Variants in PSMD1 observed in about 807,000 individuals in gnomAD.
PSMD1 encodes the protein proteasome 26S subunit, non-ATPase 1.
In PSMD1, 18 loss-of-function variants were observed where a neutral mutation model predicts 119.0. The observed-to-expected ratio is 0.15, with a 90% CI of 0.10 to 0.22. The LOEUF is 0.22. Among genes scored for constraint, PSMD1 ranks in the 10% least tolerant of loss-of-function variants. The probability of loss-of-function intolerance (pLI) is 1.00; values close to 1 mark genes in which losing one functional copy is unlikely to be tolerated. For missense variants in PSMD1, 702 were observed against 1,158.5 expected (o/e 0.61, Z 5.72); for synonymous variants, 374 against 396.6 (o/e 0.94, Z 0.68).
intron 23 of PSMD1, among the ~76,000 whole-genome samples, chr2:231,169,184 G>A (rs920151155): frequency 2.0e-5 from 3 of 152,066 alleles, no homozygotes; most frequent in African/African-American, 7.2e-5. Context: ...TGTTGTTTTT[G>A]TATGATGAGG....
intron 16 of PSMD1, among the ~76,000 whole-genome samples, chr2:231,128,904 G>A (rs1298636026): frequency 6.6e-6 from 1 of 152,098 alleles, no homozygotes; most frequent in Admixed American, 6.5e-5. Context: ...TTTTTGCCAG[G>A]TTATTGCCAG....
At chr2:231,087,319 GA>G in intron 16 of PSMD1, 138 bp downstream of exon 16, 2 of 660,990 alleles carry the variant, frequency 3.0e-6, no homozygotes, top group Non-Finnish European at 5.2e-6. Flanking sequence ...TCAGAGTGAG[GA>G]CCATTTAATA....
At chr2:231,094,189 G>C (rs1379146137) in intron 16 of PSMD1, among the ~76,000 whole-genome samples, 1 of 152,168 alleles carries the variant, frequency 6.6e-6, no homozygotes, top group African/African-American at 2.4e-5. Context: ...GGAGGTGCCT[G>C]TGAGCTGGCA....
At chr2:231,061,689 A>G (rs1693764595) in intron 2 of PSMD1, among the ~76,000 whole-genome samples, 1 of 151,858 alleles carries the variant, frequency 6.6e-6, no homozygotes, top group Non-Finnish European at 1.5e-5. Context: ...TCAGCCTCCC[A>G]AGTAGCTAGG....
intron 5 of PSMD1, among the ~76,000 whole-genome samples, chr2:231,069,737 A>G (rs191361912): frequency 1.3e-4 from 20 of 152,330 alleles, no homozygotes; most frequent in African/African-American, 4.1e-4. Context: ...CTTTTATAAT[A>G]ATTAACAGCA....
intron 18 of PSMD1, 127 bp from the exon 19 acceptor site, chr2:231,153,437 A>G: frequency 1.4e-6 from 1 of 708,498 alleles, no homozygotes. Flanking sequence ...TCTGGTCCAT[A>G]TCCCTCTCTT....
At chr2:231,098,335 T>C (rs1228883489) in intron 16 of PSMD1, among the ~76,000 whole-genome samples, 2 of 152,178 alleles carry the variant, frequency 1.3e-5, no homozygotes, top group Non-Finnish European at 2.9e-5. Context: ...TCCTGGCTTT[T>C]AAAGGAATAG....
intron 1 of PSMD1, among the ~76,000 whole-genome samples, chr2:231,059,043 TATGTCTTGACTGAAGA>T (rs1693690497): frequency 1.3e-5 from 2 of 152,172 alleles, no homozygotes; most frequent in Admixed American, 1.3e-4. Flanking sequence ...AATTCAAAAG[TATGTCTTGACTGAAGA>T]GCTCAGTCAG....
At chr2:231,108,670 A>G (rs149277922) in intron 16 of PSMD1, 4 of 1,614,130 alleles carry the variant, frequency 2.5e-6, no homozygotes, top group Middle Eastern at 1.6e-4. Flanking sequence ...TTCGAATTCC[A>G]TGTTTCTTGA....
chr2:231,135,599 A>G (rs1359190653), intron 16 of PSMD1, among the ~76,000 whole-genome samples: 1 of 152,166 alleles, frequency 6.6e-6, no homozygotes, highest in Non-Finnish European at 1.5e-5. Flanking sequence ...ATTTTCAGTT[A>G]CTTGCTCATC....
chr2:231,162,368 T>C (rs1319964860), intron 20 of PSMD1, among the ~76,000 whole-genome samples: 2 of 152,260 alleles, frequency 1.3e-5, no homozygotes, highest in Non-Finnish European at 2.9e-5. Flanking sequence ...TTTCTTTGTA[T>C]TGATTTTTCA....
chr2:231,087,511 A>G (rs1391766853), intron 16 of PSMD1, among the ~76,000 whole-genome samples: 4 of 152,234 alleles, frequency 2.6e-5, no homozygotes, highest in African/African-American at 9.6e-5. Flanking sequence ...TCAAATGGAT[A>G]TTATCTCTTA....
chr2:231,080,401 T>C, intron 12 of PSMD1, 87 bp downstream of exon 12: 1 of 1,186,800 alleles, frequency 8.4e-7, no homozygotes, highest in Non-Finnish European at 1.1e-6. Flanking sequence ...ACTGGAGATT[T>C]TGTAGAATTT....
At chr2:231,144,709 C>T (rs1356737084) in intron 17 of PSMD1, among the ~76,000 whole-genome samples, 1 of 152,168 alleles carries the variant, frequency 6.6e-6, no homozygotes, top group Admixed American at 6.5e-5. Flanking sequence ...CCACCACGCC[C>T]ACCCAGCCTG....
intron 9 of PSMD1, among the ~76,000 whole-genome samples, chr2:231,077,604 T>A (rs994929697): frequency 2.0e-5 from 3 of 152,190 alleles, no homozygotes; most frequent in Non-Finnish European, 2.9e-5. Context: ...TGAACTATGA[T>A]CTCCTTGAGA....
chr2:231,079,520 T>G lies in PSMD1; in HGVS notation c.1161-16T>G, dbSNP rs1181968884. The stretch of plus-strand genomic sequence containing the variant: ...TTGTTTTAACACTAATTAAAATACA[T>G]CATCTTTTTTTACAGAGATAATTTG... On this transcript the variant is annotated splice_polypyrimidine_tract_variant and intron_variant, in intron 10 of 24. Coordinates refer to ENST00000308696, the MANE Select transcript of PSMD1 (RefSeq NM_002807.4). 1.9e-6 allele frequency: 3 copies of G among 1,556,604 alleles called. No individual in the cohort carries two copies. The East Asian group carries it at 6.8e-5, about 35-fold the overall frequency.
chr2:231,066,976 A>G lies in PSMD1; in HGVS notation c.375A>G (p.Pro125=). The G allele has an allele frequency of 6.2e-7, 1 of 1,613,424 alleles. No homozygotes were observed. Among genetic ancestry groups the G allele is most frequent in the Non-Finnish European group, 8.5e-7 (1 of 1,179,716 alleles). The change falls in exon 5 of 25, where the codon CCA becomes CCG. Residue 125 remains proline, a synonymous_variant. Coordinates refer to ENST00000308696, the MANE Select transcript of PSMD1 (RefSeq NM_002807.4). ...ATTTGCCTGAAGGAGAAAAAAAACC[A>G]ATTGACCAGAGATTGGAAGGCATCG... ...NADLPEGEKK[P]IDQRLEGIVN... is the part of the protein sequence containing the mutation.
intron 1 of PSMD1, chr2:231,060,284 T>G (rs567170765): frequency 3.3e-5 from 5 of 152,356 alleles, no homozygotes; most frequent in African/African-American, 1.2e-4. Flanking sequence ...TTGGTAAATT[T>G]TGTATCTTTT....
intron 17 of PSMD1, among the ~76,000 whole-genome samples, chr2:231,143,518 G>A (rs1267648799): frequency 1.3e-5 from 2 of 152,172 alleles, no homozygotes; most frequent in Admixed American, 6.5e-5. Flanking sequence ...GTGAGCCACC[G>A]TGCCCGGCCA....
Sources: gnomAD v4.1 joint callset for allele counts (sites outside exome capture counted in the v4.1 genomes callset) on GRCh38, gnomAD v4.1.1 for gene constraint, MANE v1.5 for transcripts, NCBI Gene and HGNC (gene_info 2026-07-23, HGNC 2026-07-21) for gene names.